The following MAP4K4 variants were observed in gnomAD, a reference collection of about 807,000 sequenced individuals.
MAP4K4 encodes HPK/GCK-like kinase HGK.
Under a neutral mutation model 189.6 loss-of-function variants are expected in MAP4K4, and 38 were observed. The ratio of observed to expected loss-of-function variants is 0.20; its 90% CI spans 0.15 to 0.26. MAP4K4 has a LOEUF of 0.26. Among genes scored for constraint, MAP4K4 ranks in the 10% least tolerant of loss-of-function variants. MAP4K4 has a pLI of 1.00. For missense variants in MAP4K4, 1,054 were observed against 1,726.9 expected, an observed-to-expected ratio of 0.61 and a Z score of 6.91; for synonymous variants, 610 against 624.3, an observed-to-expected ratio of 0.98 and a Z score of 0.34.
At chr2:101,803,980 A>G (rs530518678) in intron 3 of MAP4K4, among the ~76,000 whole-genome samples, 22 of 152,312 alleles carry the variant, frequency 1.4e-4, no homozygotes, top group Admixed American at 5.9e-4. Flanking sequence ...TTAGCATCCA[A>G]ACTTGCCACA....
chr2:101,823,855 T>C lies in MAP4K4; in HGVS notation c.181-73T>C. The stretch of plus-strand genomic sequence containing the variant: ...AGAACTTGTGTTCCTTTCATTATTG[T>C]ATGTAGTGTGGGGGAAGTAAAGTCA... On this transcript the variant is annotated intron_variant, in intron 3 of 32. Coordinates refer to ENST00000324219, the Ensembl canonical transcript of MAP4K4. 5 of 1,275,650 alleles carry C rather than the reference T, an allele frequency of 3.9e-6. No individual in the cohort carries two copies. The South Asian group carries it at 5.8e-5, about 15-fold the overall frequency. 79.0% of individuals were successfully genotyped at this position (1,275,650 alleles called of 1,614,324 possible).
chr2:101,757,575 C>G (rs924955696), intron 2 of MAP4K4, among the ~76,000 whole-genome samples: 6 of 152,142 alleles, frequency 3.9e-5, no homozygotes, highest in African/African-American at 1.4e-4. Flanking sequence ...CACAGTCCCC[C>G]CTTATCCACG....
chr2:101,843,764 GA>G (rs951355499), intron 11 of MAP4K4, among the ~76,000 whole-genome samples: 7 of 151,060 alleles, frequency 4.6e-5, no homozygotes, highest in South Asian at 2.1e-4. Flanking sequence ...GTTTGCTGAA[GA>G]AAAAAAAAGT....
chr2:101,859,884 A>T lies in MAP4K4; in HGVS notation c.1704+20A>T. On this transcript the variant is annotated intron_variant, in intron 15 of 32. Transcript: ENST00000324219. ...CGAGAGGTATCCTCTTTCCTTTGTC[A>T]CTTAGACATTGCCCTGGAAAGTCGT... 1 of 1,577,716 alleles carries T rather than the reference A, an allele frequency of 6.3e-7. No homozygotes were observed. The highest frequency in any genetic ancestry group is 1.8e-5 in the Admixed American group (1 of 54,552).
intron 23 of MAP4K4, among the ~76,000 whole-genome samples, chr2:101,870,904 G>C (rs1280275275): frequency 6.6e-6 from 1 of 152,202 alleles, no homozygotes; most frequent in Admixed American, 6.5e-5. Context: ...TCTCTTCTAT[G>C]TTCCAAAATG....
At chr2:101,776,138 A>C (rs1330082721) in intron 2 of MAP4K4, among the ~76,000 whole-genome samples, 1 of 152,190 alleles carries the variant, frequency 6.6e-6, no homozygotes, top group Non-Finnish European at 1.5e-5. Flanking sequence ...ATTATTTAGA[A>C]GTTGATTACA....
intron 3 of MAP4K4, among the ~76,000 whole-genome samples, chr2:101,820,325 G>A (rs1256900383): frequency 6.6e-6 from 1 of 152,172 alleles, no homozygotes; most frequent in African/African-American, 2.4e-5. Context: ...GTAGGCAAAG[G>A]TAAGGGTGGG....
At chr2:101,883,350 A>G (rs1010407612) in intron 28 of MAP4K4, among the ~76,000 whole-genome samples, 9 of 150,820 alleles carry the variant, frequency 6.0e-5, no homozygotes, top group Non-Finnish European at 8.9e-5. Flanking sequence ...TTTTTTTTTG[A>G]GATGGAGTTT....
intron 3 of MAP4K4, among the ~76,000 whole-genome samples, chr2:101,810,297 GT>G (rs199846684): frequency 0.06 from 9,056 of 151,428 alleles, 320 homozygotes; most frequent in African/African-American, 0.094. Context: ...ACCCCTGTGG[GT>G]TTTTTTTAAA....
rs149977125 is a variant in MAP4K4, at chr2:101,883,775, G to A, written c.3520+1090G>A. ...TGTTCCGAGGGATGTTGTCATGCTT[G>A]GCATTGTCTTGTTGGTGTAGTTTGT... On this transcript the variant is annotated intron_variant, in intron 28 of 32. Transcript: ENST00000324219. Among the ~76,000 whole-genome samples, 214 of 152,104 alleles carry A rather than the reference G, an allele frequency of 1.4e-3. 6 individuals carry two copies. Among genetic ancestry groups the A allele is most frequent in the Admixed American group, 0.014 (213 of 15,282 alleles).
At chr2:101,870,643 G>A (rs552366501) in intron 23 of MAP4K4, 2 of 520,512 alleles carry the variant, frequency 3.8e-6, no homozygotes, top group South Asian at 4.2e-5. Flanking sequence ...GCATGTCTGC[G>A]GCAGCCCTCA....
exon 11 of MAP4K4, chr2:101,842,665 C>G: frequency 6.2e-7 from 1 of 1,608,274 alleles, no homozygotes; most frequent in Non-Finnish European, 8.5e-7. Context: ...AGTGCCTGAA[C>G]AGGAAGGAGA....
At chr2:101,842,533 C>G (rs1284422486) in intron 10 of MAP4K4, 76 bp from the exon 11 acceptor site, 1 of 1,023,474 alleles carries the variant, frequency 9.8e-7, no homozygotes, top group African/African-American at 1.6e-5. Flanking sequence ...CCAAGGTGCT[C>G]CTGCAGATGC....
chr2:101,743,407 G>A (rs556047815), intron 2 of MAP4K4, among the ~76,000 whole-genome samples: 2 of 151,880 alleles, frequency 1.3e-5, no homozygotes, highest in South Asian at 2.1e-4. Context: ...TGATTTGACC[G>A]TTCATTTTTG....
At chr2:101,788,720 G>T (rs978402388) in intron 2 of MAP4K4, among the ~76,000 whole-genome samples, 2 of 152,108 alleles carry the variant, frequency 1.3e-5, no homozygotes, top group African/African-American at 2.4e-5. Context: ...TTATAAAGCA[G>T]ATGCTGAGTG....
intron 2 of MAP4K4, among the ~76,000 whole-genome samples, chr2:101,721,653 T>G (rs188959912): frequency 2.0e-5 from 3 of 152,216 alleles, no homozygotes; most frequent in Non-Finnish European, 4.4e-5. Flanking sequence ...GTTAGGCTGG[T>G]CTTGAACTCC....
intron 2 of MAP4K4, among the ~76,000 whole-genome samples, chr2:101,730,679 T>G (rs892609373): frequency 2.6e-5 from 4 of 152,080 alleles, no homozygotes; most frequent in Non-Finnish European, 5.9e-5. Flanking sequence ...TAAGCATACG[T>G]TTTTGAATTT....
chr2:101,706,588 C>T (rs1396861462), intron 2 of MAP4K4, among the ~76,000 whole-genome samples: 2 of 152,160 alleles, frequency 1.3e-5, no homozygotes, highest in Non-Finnish European at 2.9e-5. Flanking sequence ...TCACATTTTC[C>T]AAATGCTTAA....
intron 2 of MAP4K4, among the ~76,000 whole-genome samples, chr2:101,719,208 G>A (rs1334258798): frequency 6.6e-6 from 1 of 152,170 alleles, no homozygotes; most frequent in Non-Finnish European, 1.5e-5. Context: ...TCTGGGTTGG[G>A]TTGGAAGGCA....
Sources: gnomAD v4.1 joint callset for allele counts (sites outside exome capture counted in the v4.1 genomes callset) on GRCh38, gnomAD v4.1.1 for gene constraint, MANE v1.5 for transcripts, NCBI Gene and HGNC (gene_info 2026-07-23, HGNC 2026-07-21) for gene names.